ADGB: variants seen among roughly 807,000 people sequenced by gnomAD.
ADGB encodes the protein androglobin, also known as calpain-7-like protein.
In ADGB, 172 loss-of-function variants were observed where a neutral mutation model predicts 210.5. That is an observed-to-expected ratio of 0.82 (90% confidence interval 0.72 to 0.93). The LOEUF is 0.93. ADGB is among the 40% of genes least tolerant of loss of function. The probability of loss-of-function intolerance (pLI) is 0.00; values close to 1 mark genes in which losing one functional copy is unlikely to be tolerated. For missense variants in ADGB, 2,025 were observed against 1,964.8 expected (o/e 1.03, Z -0.58); for synonymous variants, 658 against 662.7 (o/e 0.99, Z 0.11).
At chr6:146,624,203 G>GAAAACCC (rs1271273600) in intron 1 of ADGB, among the ~76,000 whole-genome samples, 1 of 151,642 alleles carries the variant, frequency 6.6e-6, no homozygotes, top group African/African-American at 2.4e-5. Flanking sequence ...TCTGGGTCTG[G>GAAAACCC]AGTTTTCTTT....
intron 1 of ADGB, among the ~76,000 whole-genome samples, chr6:146,615,067 ATT>A (rs373490088): frequency 2.7e-5 from 4 of 145,750 alleles, no homozygotes; most frequent in African/African-American, 1.0e-4. Context: ...CGCCCGGCTA[ATT>A]TTTTTTTTTT....
chr6:146,664,130 C>A, intron 5 of ADGB, 71 bp from the exon 6 acceptor site: 2 of 1,383,480 alleles, frequency 1.4e-6, no homozygotes, highest in Non-Finnish European at 9.6e-7. Flanking sequence ...ATGTCAGCCA[C>A]GTGCAATCAT....
chr6:146,628,293 C>T (rs1339760165), intron 1 of ADGB, among the ~76,000 whole-genome samples: 1 of 151,566 alleles, frequency 6.6e-6, no homozygotes, highest in African/African-American at 2.4e-5. Flanking sequence ...CAGAAGAGTG[C>T]AACTTTCAGA....
intron 33 of ADGB, among the ~76,000 whole-genome samples, chr6:146,791,327 T>C (rs9497625): frequency 0.13 from 20,040 of 152,150 alleles, 2,648 homozygotes; most frequent in African/African-American, 0.34. Flanking sequence ...TCTGGACTTA[T>C]GTTTAAGTTT....
At chr6:146,619,462 T>C (rs1469105588) in intron 1 of ADGB, among the ~76,000 whole-genome samples, 2 of 152,086 alleles carry the variant, frequency 1.3e-5, no homozygotes, top group African/African-American at 2.4e-5. Flanking sequence ...CCCACCCTCT[T>C]ACTGTATTTC....
intron 31 of ADGB, 90 bp downstream of exon 31, chr6:146,784,884 C>T: frequency 2.3e-6 from 3 of 1,307,898 alleles, no homozygotes; most frequent in Middle Eastern, 1.9e-4. Context: ...AACCATATAG[C>T]CTGTCCTTTA....
chr6:146,719,190 G>A (rs563140752), intron 16 of ADGB, among the ~76,000 whole-genome samples: 1 of 152,212 alleles, frequency 6.6e-6, no homozygotes, highest in East Asian at 1.9e-4. Context: ...AATAACATAT[G>A]TAAAACACTT....
Position 146,654,031 on chromosome 6 carries a change from C to CA in ADGB, c.331-98dup. On this transcript the variant is annotated intron_variant, in intron 3 of 35. Transcript: ENST00000397944. ...TTGCCAAGGTCTGATTGCAAAAATT[C>CA]AAAAAATTGCAACTTCAGGCATAAA... is the stretch of plus-strand genomic sequence containing the variant. 4.5e-6 allele frequency: 3 copies of CA among 668,702 alleles called. No homozygotes were observed. In the South Asian group the frequency reaches 7.5e-5, roughly 17 times the overall value. 41.4% of individuals were successfully genotyped at this position (668,702 alleles called of 1,614,324 possible).
chr6:146,659,031 A>G (rs1218596185), intron 5 of ADGB, among the ~76,000 whole-genome samples: 1 of 152,198 alleles, frequency 6.6e-6, no homozygotes, highest in Non-Finnish European at 1.5e-5. Context: ...ATTTCTTTCT[A>G]CCTGATCCCC....
intron 3 of ADGB, among the ~76,000 whole-genome samples, chr6:146,652,042 C>T (rs1583575361): frequency 6.6e-6 from 1 of 152,036 alleles, no homozygotes; most frequent in East Asian, 1.9e-4. Flanking sequence ...AAATGAGTGG[C>T]CCAGACCCTT....
chr6:146,605,028 G>A (rs1272472259), intron 1 of ADGB, among the ~76,000 whole-genome samples: 3 of 152,156 alleles, frequency 2.0e-5, no homozygotes, highest in African/African-American at 7.2e-5. Flanking sequence ...GTGGGGACAG[G>A]TCATCCAAGT....
intron 26 of ADGB, 121 bp downstream of exon 26, chr6:146,746,230 T>C (rs1422760032): frequency 4.2e-6 from 3 of 713,572 alleles, no homozygotes; most frequent in Admixed American, 3.0e-5. Context: ...ATATTCTTTT[T>C]GGAAACAATT....
intron 20 of ADGB, among the ~76,000 whole-genome samples, chr6:146,729,172 G>A (rs1419259554): frequency 6.6e-6 from 1 of 152,162 alleles, no homozygotes; most frequent in Non-Finnish European, 1.5e-5. Context: ...AGGCAGCCTT[G>A]AGGGGGTGAA....
At chr6:146,603,463 T>C (rs1780588704) in intron 1 of ADGB, among the ~76,000 whole-genome samples, 1 of 152,176 alleles carries the variant, frequency 6.6e-6, no homozygotes, top group Non-Finnish European at 1.5e-5. Context: ...GGAACCTTAA[T>C]GGGAAGCTTG....
At chr6:146,728,201 C>G (rs990244311) in intron 19 of ADGB, among the ~76,000 whole-genome samples, 2 of 152,108 alleles carry the variant, frequency 1.3e-5, no homozygotes, top group African/African-American at 4.8e-5. Flanking sequence ...CTAGGTCACC[C>G]TCTTGTCTTT....
Position 146,798,216 on chromosome 6 carries a change from TCA to T in ADGB, c.4538-2964_4538-2963del, listed in dbSNP as rs1463897821. Among the ~76,000 whole-genome samples the T allele has an allele frequency of 4.6e-5, 7 of 152,258 alleles. No homozygotes were observed. In the East Asian group the frequency reaches 1.3e-3, roughly 29 times the overall value. On this transcript the variant is annotated intron_variant, in intron 33 of 35. Transcript: ENST00000397944. ...AAAGAAGGTGACATCCAAAGGGAAT[TCA>T]CATTCACAAAGAAAGGTAATTATGT... is the stretch of plus-strand genomic sequence containing the variant.
chr6:146,715,488 A>G, intron 14 of ADGB, 73 bp downstream of exon 14: 1 of 1,066,108 alleles, frequency 9.4e-7, no homozygotes, highest in South Asian at 1.8e-5. Flanking sequence ...GCTTCTTGAC[A>G]GCTTCCCTTC....
At chr6:146,797,891 T>C (rs1465300719) in intron 33 of ADGB, among the ~76,000 whole-genome samples, 1 of 151,594 alleles carries the variant, frequency 6.6e-6, no homozygotes, top group African/African-American at 2.4e-5. Context: ...AAGCATTATA[T>C]CCTGTTCCCA....
intron 1 of ADGB, among the ~76,000 whole-genome samples, chr6:146,603,968 G>A (rs993773721): frequency 2.0e-5 from 3 of 152,174 alleles, no homozygotes; most frequent in Admixed American, 2.0e-4. Flanking sequence ...AGAGTCTGCA[G>A]TACACATTAG....
Sources: allele counts gnomAD v4.1 joint callset (sites outside exome capture counted in the v4.1 genomes callset), GRCh38; gene constraint gnomAD v4.1.1; transcripts MANE v1.5; gene names NCBI Gene and HGNC (gene_info 2026-07-23, HGNC 2026-07-21).